Variants in ZNF106 observed in about 807,000 individuals in gnomAD.
ZNF106 encodes SH3-domain binding protein 3.
A neutral mutation model predicts 195.1 loss-of-function variants in ZNF106; 67 were observed. That is an observed-to-expected ratio of 0.34 (90% CI 0.28 to 0.42). The LOEUF (loss-of-function observed/expected upper bound fraction) is 0.42, where lower values mean the gene tolerates loss of function less well. ZNF106 is among the 10% of genes least tolerant of loss of function. The probability of loss-of-function intolerance (pLI) is 1.00; values close to 1 mark genes in which losing one functional copy is unlikely to be tolerated. For synonymous variants in ZNF106, 784 were observed against 818.6 expected, an observed-to-expected ratio of 0.96 and a Z score of 0.72; for missense variants, 2,118 against 2,304.5, an observed-to-expected ratio of 0.92 and a Z score of 1.66.
intron 18 of ZNF106, 140 bp from the exon 19 acceptor site, chr15:42,422,128 T>C (rs2054685174): frequency 1.6e-6 from 1 of 627,862 alleles, no homozygotes; most frequent in Admixed American, 3.5e-5. Flanking sequence ...AACAGAAATA[T>C]AATCTAATGG....
At chr15:42,442,535 G>A in intron 9 of ZNF106, 121 bp from the exon 10 acceptor site, 1 of 766,438 alleles carries the variant, frequency 1.3e-6, no homozygotes, top group Admixed American at 3.1e-5. Context: ...TATTAGTATA[G>A]TCCCTCATAA....
At chr15:42,473,607 T>C (rs1481103856) in intron 1 of ZNF106, among the ~76,000 whole-genome samples, 1 of 152,188 alleles carries the variant, frequency 6.6e-6, no homozygotes, top group East Asian at 1.9e-4. Flanking sequence ...AGGCCCTGCC[T>C]AACCCTCTAC....
chr15:42,489,457 G>C (rs2057091540), intron 1 of ZNF106, among the ~76,000 whole-genome samples: 1 of 151,966 alleles, frequency 6.6e-6, no homozygotes, highest in African/African-American at 2.4e-5. Context: ...GATTACAGGC[G>C]TGAGCCATCG....
chr15:42,418,041 T>G, intron 20 of ZNF106, 90 bp from the exon 21 acceptor site: 3 of 1,339,068 alleles, frequency 2.2e-6, no homozygotes, highest in Non-Finnish European at 3.0e-6. Context: ...ATAAGCACTA[T>G]GGAAGCAAAA....
chr15:42,472,331 G>A lies in ZNF106; in HGVS notation c.-32-10C>T. 1.3e-6 allele frequency: 2 copies of A among 1,523,278 alleles called. No individual in the cohort carries two copies. The highest frequency in any genetic ancestry group is 1.8e-6 in the Non-Finnish European group (2 of 1,139,488). 94.4% of individuals were successfully genotyped at this position (1,523,278 alleles called of 1,614,324 possible). A position where few individuals can be genotyped will look rare whatever the true frequency, so the allele number is the denominator to read the frequency against. ...GCACTCAACGTCACAGCTGCAATGA[G>A]GAAGTAACATTTAGTAACCTTTTCT... On this transcript the variant is annotated splice_polypyrimidine_tract_variant and intron_variant, in intron 1 of 21. Transcript: ENST00000564754.
chr15:42,429,846 C>T (rs530178286), intron 14 of ZNF106, among the ~76,000 whole-genome samples: 3 of 151,962 alleles, frequency 2.0e-5, no homozygotes, highest in Admixed American at 6.5e-5. Flanking sequence ...GATGAATTTT[C>T]AAACATTATG....
chr15:42,471,004 C>T (rs1335088919), intron 2 of ZNF106, among the ~76,000 whole-genome samples: 1 of 152,136 alleles, frequency 6.6e-6, no homozygotes, highest in African/African-American at 2.4e-5. Flanking sequence ...GGATCATAAT[C>T]GACCCTTCAG....
chr15:42,441,563 C>T (rs1191844928), intron 10 of ZNF106, among the ~76,000 whole-genome samples: 1 of 152,122 alleles, frequency 6.6e-6, no homozygotes, highest in African/African-American at 2.4e-5. Flanking sequence ...AAATGATAAC[C>T]AGGTAAGTGT....
At chr15:42,473,979 G>A (rs2056732039) in intron 1 of ZNF106, among the ~76,000 whole-genome samples, 1 of 152,116 alleles carries the variant, frequency 6.6e-6, no homozygotes, top group Admixed American at 6.5e-5. Context: ...CACAGGGAAA[G>A]GCCAGGTAAA....
At chr15:42,435,693 A>G (rs958746379) in intron 13 of ZNF106, among the ~76,000 whole-genome samples, 175 bp from the exon 14 acceptor site, 6 of 152,324 alleles carry the variant, frequency 3.9e-5, no homozygotes, top group African/African-American at 1.4e-4. Flanking sequence ...AGTGCCTAGC[A>G]AACAGTCACA....
At chr15:42,468,305 T>C (rs1212676305) in intron 2 of ZNF106, among the ~76,000 whole-genome samples, 2 of 151,382 alleles carry the variant, frequency 1.3e-5, no homozygotes, top group Non-Finnish European at 2.9e-5. Flanking sequence ...CTCAAACTCC[T>C]GACCTCAGGT....
At chr15:42,488,948 G>C (rs2057074090) in intron 1 of ZNF106, among the ~76,000 whole-genome samples, 1 of 151,310 alleles carries the variant, frequency 6.6e-6, no homozygotes, top group African/African-American at 2.4e-5. Context: ...CATGGTGGTG[G>C]GCACCTGTAA....
intron 20 of ZNF106, 65 bp from the exon 21 acceptor site, chr15:42,418,016 C>CTGGG (rs2054519475): frequency 2.0e-6 from 3 of 1,528,250 alleles, no homozygotes; most frequent in Admixed American, 2.1e-5. Context: ...TCAGAACAGC[C>CTGGG]CCCAGCTGGA....
intron 3 of ZNF106, among the ~76,000 whole-genome samples, chr15:42,461,473 T>C (rs2056390428): frequency 6.6e-6 from 1 of 152,246 alleles, no homozygotes; most frequent in African/African-American, 2.4e-5. Context: ...CATAAGCTTT[T>C]CTTTATTAAG....
chr15:42,442,456 A>G (rs2055587087), intron 9 of ZNF106, 42 bp from the exon 10 acceptor site: 1 of 1,515,668 alleles, frequency 6.6e-7, no homozygotes, highest in African/African-American at 1.4e-5. Flanking sequence ...CAAAAATGTT[A>G]TCTGAAAAGT....
At position 42,413,821 on chromosome 15, in the gene ZNF106, A is replaced by G. The variant is rs962414078; in HGVS notation, c.*3483T>C. 1 of 152,270 alleles carries G rather than the reference A, an allele frequency of 6.6e-6. No individual in the cohort carries two copies. The highest frequency in any genetic ancestry group is 2.4e-5 in the African/African-American group (1 of 41,446). The allele number at this position is 152,270 out of a possible 1,614,324, so 9.4% of individuals were successfully genotyped here. ...TAATGACTTTCTCTCAGATTCAAGT[A>G]ACATCAGGTCAAGATAACCTTTGCT... On this transcript the variant is annotated 3_prime_UTR_variant, in exon 22 of 22. Coordinates refer to ENST00000564754, the MANE Select transcript of ZNF106 (RefSeq NM_001366845.3).
chr15:42,466,669 T>A (rs2056523728), intron 2 of ZNF106, among the ~76,000 whole-genome samples: 1 of 152,200 alleles, frequency 6.6e-6, no homozygotes, highest in African/African-American at 2.4e-5. Flanking sequence ...TAAGAAAGTT[T>A]TAAAAAAATA....
chr15:42,463,208 G>A (rs1178999575), intron 3 of ZNF106, among the ~76,000 whole-genome samples: 1 of 152,116 alleles, frequency 6.6e-6, no homozygotes, highest in Non-Finnish European at 1.5e-5. Flanking sequence ...TACTGACCTT[G>A]TTTGTTTTGT....
intron 8 of ZNF106, 121 bp from the exon 9 acceptor site, chr15:42,444,383 GC>G: frequency 1.4e-6 from 1 of 708,880 alleles, no homozygotes; most frequent in Non-Finnish European, 2.3e-6. Flanking sequence ...CTGTGACCCA[GC>G]CAGCCGCAGG....
Sources: gnomAD v4.1 joint callset for allele counts (sites outside exome capture counted in the v4.1 genomes callset) on GRCh38, gnomAD v4.1.1 for gene constraint, MANE v1.5 for transcripts, NCBI Gene and HGNC (gene_info 2026-07-23, HGNC 2026-07-21) for gene names.